CCDC148: variants seen among roughly 807,000 people sequenced by gnomAD.
The protein encoded by CCDC148 is coiled-coil domain containing 148.
CCDC148 carries 89 observed loss-of-function variants against 85.7 expected under a neutral mutation model. That is an observed-to-expected ratio of 1.04 (90% confidence interval 0.87 to 1.24). CCDC148 has a LOEUF of 1.24. CCDC148 is among the 50% of genes most tolerant of loss of function. The pLI is 0.00. For missense variants in CCDC148, 692 were observed against 671.7 expected (o/e 1.03, Z -0.33); for synonymous variants, 230 against 213.9 (o/e 1.08, Z -0.66).
At chr2:158,421,784 A>C (rs1254615520) in intron 1 of CCDC148, among the ~76,000 whole-genome samples, 1 of 152,200 alleles carries the variant, frequency 6.6e-6, no homozygotes, top group Non-Finnish European at 1.5e-5. Flanking sequence ...CCTTCAAAAA[A>C]TCAACGAATC....
chr2:158,205,687 G>A (rs185520511), intron 11 of CCDC148, among the ~76,000 whole-genome samples: 56 of 152,286 alleles, frequency 3.7e-4, no homozygotes, highest in Non-Finnish European at 5.7e-4. Flanking sequence ...TGTAGGTTTG[G>A]AAGGTAGCAA....
At chr2:158,407,050 C>G (rs1458243241) in intron 1 of CCDC148, among the ~76,000 whole-genome samples, 1 of 152,066 alleles carries the variant, frequency 6.6e-6, no homozygotes, top group African/African-American at 2.4e-5. Context: ...CGCATTTCTT[C>G]CCCACTCAGT....
chr2:158,285,461 G>A (rs1270529095), intron 9 of CCDC148, among the ~76,000 whole-genome samples: 3 of 151,360 alleles, frequency 2.0e-5, no homozygotes, highest in African/African-American at 7.3e-5. Context: ...TTTAATAATA[G>A]TAATATACAT....
At chr2:158,363,359 A>C (rs939194316) in intron 1 of CCDC148, among the ~76,000 whole-genome samples, 3 of 152,100 alleles carry the variant, frequency 2.0e-5, no homozygotes, top group African/African-American at 7.2e-5. Flanking sequence ...GAGACACAAC[A>C]AAAAAAGAAA....
chr2:158,225,577 T>C (rs539088115), intron 10 of CCDC148, among the ~76,000 whole-genome samples: 304 of 152,268 alleles, frequency 2.0e-3, no homozygotes, highest in African/African-American at 6.8e-3. Context: ...TCAGCAAATG[T>C]AAAAGAATAG....
rs989500591 is a variant in CCDC148 at position 158,352,931 on chromosome 2, T to G, written c.147+5518A>C. On this transcript the variant is annotated intron_variant, in intron 2 of 13. Transcript: ENST00000283233. ...AGTGGGGGCCAATATTCAACATTCT[T>G]AAAGAAAAGAATTTTCAACCCAGAA... 4.6e-5 allele frequency among the ~76,000 whole-genome samples: 7 copies of G among 150,930 alleles called. No individual in the cohort carries two copies. In the South Asian group the frequency reaches 6.3e-4, roughly 14 times the overall value.
intron 7 of CCDC148, 105 bp from the exon 8 acceptor site, chr2:158,313,999 G>T: frequency 2.6e-6 from 3 of 1,135,142 alleles, no homozygotes; most frequent in Non-Finnish European, 3.7e-6. Context: ...AGCAAAACGA[G>T]GTTTCTGTGT....
intron 7 of CCDC148, among the ~76,000 whole-genome samples, chr2:158,320,890 A>G (rs898957910): frequency 6.6e-6 from 1 of 152,214 alleles, no homozygotes; most frequent in African/African-American, 2.4e-5. Flanking sequence ...TTAAAAAGGC[A>G]GGTGAAGCTG....
rs397697591 is a variant in CCDC148 at position 158,216,386 on chromosome 2, C to CT, written c.1370+4208dup. On this transcript the variant is annotated intron_variant, in intron 11 of 13. Coordinates refer to ENST00000283233, the MANE Select transcript of CCDC148 (RefSeq NM_138803.4). ...AAGAACAGCAACAAAAAGCACAATA[C>CT]TTTTTTTTTTTTTTTTTTTTTTTTT... Among the ~76,000 whole-genome samples the CT allele has an allele frequency of 6.1e-3, 363 of 59,464 alleles. 67 individuals are homozygous for CT. Among genetic ancestry groups the CT allele is most frequent in the African/African-American group, 0.021 (292 of 13,986 alleles). 39.0% of individuals were successfully genotyped at this position (59,464 alleles called of 152,430 possible). A position where few individuals can be genotyped will look rare whatever the true frequency, so the allele number is the denominator to read the frequency against.
intron 1 of CCDC148, among the ~76,000 whole-genome samples, chr2:158,448,054 T>C (rs1197027672): frequency 6.6e-6 from 1 of 152,136 alleles, no homozygotes; most frequent in Non-Finnish European, 1.5e-5. Flanking sequence ...TTTTTCTGTA[T>C]GGTGTTTGGT....
chr2:158,410,475 G>T (rs1448777246), intron 1 of CCDC148, among the ~76,000 whole-genome samples: 1 of 151,892 alleles, frequency 6.6e-6, no homozygotes, highest in Admixed American at 6.6e-5. Flanking sequence ...CATGATTTTT[G>T]TAGTAATTTG....
intron 1 of CCDC148, chr2:158,366,163 T>C: frequency 9.7e-7 from 1 of 1,032,364 alleles, no homozygotes; most frequent in South Asian, 1.8e-5. Flanking sequence ...TTTTTAAAAG[T>C]AAGACCCAGG....
chr2:158,263,575 T>C (rs960671327), intron 9 of CCDC148, among the ~76,000 whole-genome samples: 11 of 152,042 alleles, frequency 7.2e-5, no homozygotes, highest in Middle Eastern at 3.2e-3. Context: ...CTTGTGATCT[T>C]ACAAACATCC....
intron 1 of CCDC148, among the ~76,000 whole-genome samples, chr2:158,454,155 C>T (rs11896991): frequency 0.033 from 4,988 of 152,250 alleles, 184 homozygotes; most frequent in East Asian, 0.14. Flanking sequence ...AAAATCATTT[C>T]AGTGGTATTC....
chr2:158,285,490 AT>A (rs2105181367), intron 9 of CCDC148, among the ~76,000 whole-genome samples: 1 of 152,166 alleles, frequency 6.6e-6, no homozygotes, highest in East Asian at 1.9e-4. Context: ...ACATACATTC[AT>A]ACATACATAT....
chr2:158,437,246 G>A (rs1029608730), intron 1 of CCDC148, among the ~76,000 whole-genome samples: 57 of 152,188 alleles, frequency 3.7e-4, no homozygotes, highest in Non-Finnish European at 6.9e-4. Context: ...CCGGTAAACC[G>A]AATCCAGCAG....
At chr2:158,356,634 G>T (rs1425021775) in intron 2 of CCDC148, among the ~76,000 whole-genome samples, 24 of 147,776 alleles carry the variant, frequency 1.6e-4, no homozygotes, top group Admixed American at 6.8e-5. Context: ...CTGTTGGTGG[G>T]ACTGTAAACT....
chr2:158,176,372 A>G, intron 13 of CCDC148, 149 bp downstream of exon 13: 3 of 663,692 alleles, frequency 4.5e-6, no homozygotes, highest in Admixed American at 6.9e-5. Flanking sequence ...TGTAGTAATT[A>G]TGTACTATCA....
intron 1 of CCDC148, among the ~76,000 whole-genome samples, chr2:158,451,564 A>G (rs1234269315): frequency 1.3e-5 from 2 of 152,134 alleles, no homozygotes; most frequent in Non-Finnish European, 2.9e-5. Context: ...TCCCATACCA[A>G]TGATGCGGCA....
Sources: gnomAD v4.1 joint callset for allele counts (sites outside exome capture counted in the v4.1 genomes callset) on GRCh38, gnomAD v4.1.1 for gene constraint, MANE v1.5 for transcripts, NCBI Gene and HGNC (gene_info 2026-07-23, HGNC 2026-07-21) for gene names.